CADM2: variants seen among roughly 807,000 people sequenced by gnomAD.
CADM2 encodes immunoglobulin superfamily member 4D.
In CADM2, 12 loss-of-function variants were observed where a neutral mutation model predicts 49.8. The ratio of observed to expected loss-of-function variants is 0.24; its 90% CI spans 0.15 to 0.39. The LOEUF is 0.39. CADM2 is among the 10% of genes least tolerant of loss of function. The pLI, the probability that CADM2 is intolerant of heterozygous loss-of-function variation, is 1.00. For synonymous variants in CADM2, 214 were observed against 175.4 expected (o/e 1.22, Z -1.74); for missense variants, 378 against 492.3 (o/e 0.77, Z 2.20).
intron 1 of CADM2, among the ~76,000 whole-genome samples, chr3:85,041,535 T>TGAAA (rs2035441930): frequency 6.6e-6 from 1 of 152,214 alleles, no homozygotes; most frequent in Non-Finnish European, 1.5e-5. Flanking sequence ...CGTATGACTT[T>TGAAA]TCCACCTTTA....
At chr3:85,474,509 G>A (rs1017498306) in intron 1 of CADM2, among the ~76,000 whole-genome samples, 5 of 151,888 alleles carry the variant, frequency 3.3e-5, no homozygotes, top group Admixed American at 2.0e-4. Flanking sequence ...AGAATAATAT[G>A]AGACCAAATA....
intron 6 of CADM2, among the ~76,000 whole-genome samples, chr3:85,928,966 T>G (rs1031099597): frequency 4.6e-5 from 7 of 152,112 alleles, no homozygotes; most frequent in Non-Finnish European, 1.5e-5. Context: ...AAGGACCAAT[T>G]TTTTAAAGGC....
intron 8 of CADM2, among the ~76,000 whole-genome samples, chr3:86,040,109 T>C (rs964333747): frequency 2.0e-5 from 3 of 150,506 alleles, no homozygotes; most frequent in Middle Eastern, 3.5e-3. Flanking sequence ...AGACCAAAGG[T>C]AGAAAAAACC....
chr3:85,412,038 G>T (rs796616518), intron 1 of CADM2, among the ~76,000 whole-genome samples: 13 of 152,196 alleles, frequency 8.5e-5, no homozygotes, highest in African/African-American at 3.1e-4. Context: ...ATGTTGGCCA[G>T]ACTGGTCTTG....
intron 1 of CADM2, among the ~76,000 whole-genome samples, chr3:85,046,022 T>A (rs75978630): frequency 0.026 from 3,929 of 152,216 alleles, 125 homozygotes; most frequent in African/African-American, 0.074. Flanking sequence ...GTTATGTTAA[T>A]TAAAACTGTA....
intron 1 of CADM2, among the ~76,000 whole-genome samples, chr3:85,328,489 G>C (rs1383045082): frequency 6.6e-6 from 1 of 152,122 alleles, no homozygotes; most frequent in Non-Finnish European, 1.5e-5. Context: ...AAGCCCACAG[G>C]ACAGCCAATG....
At chr3:85,987,045 T>C (rs1433508303) in intron 8 of CADM2, among the ~76,000 whole-genome samples, 1 of 152,148 alleles carries the variant, frequency 6.6e-6, no homozygotes, top group Admixed American at 6.6e-5. Flanking sequence ...ATTGGTTATA[T>C]ATAACCATTT....
At chr3:85,268,524 A>G (rs1378347771) in intron 1 of CADM2, among the ~76,000 whole-genome samples, 1 of 151,444 alleles carries the variant, frequency 6.6e-6, no homozygotes, top group East Asian at 1.9e-4. Context: ...TTGTAAATTG[A>G]AGATTTTACT....
intron 3 of CADM2, among the ~76,000 whole-genome samples, chr3:85,835,479 C>G (rs1422482746): frequency 1.3e-5 from 2 of 151,086 alleles, no homozygotes; most frequent in Non-Finnish European, 3.0e-5. Context: ...ATAGGCAAAA[C>G]AGAACTACAG....
chr3:85,363,874 G>A (rs1463817831), intron 1 of CADM2, among the ~76,000 whole-genome samples: 2 of 151,488 alleles, frequency 1.3e-5, no homozygotes, highest in South Asian at 4.2e-4. Context: ...GCCTCCTAAA[G>A]TGCTGGGATT....
At chr3:85,682,339 A>C (rs1349036154) in intron 1 of CADM2, among the ~76,000 whole-genome samples, 1 of 152,060 alleles carries the variant, frequency 6.6e-6, no homozygotes, top group African/African-American at 2.4e-5. Context: ...TGCCTTTCTA[A>C]ATAGGAGGAA....
chr3:85,700,229 G>A (rs950774866), intron 1 of CADM2, among the ~76,000 whole-genome samples: 15 of 151,938 alleles, frequency 9.9e-5, no homozygotes, highest in Non-Finnish European at 1.9e-4. Context: ...GCAAACTATC[G>A]CAAAAACAAA....
At chr3:85,122,697 T>C (rs2038906840) in intron 1 of CADM2, among the ~76,000 whole-genome samples, 1 of 152,096 alleles carries the variant, frequency 6.6e-6, no homozygotes, top group Non-Finnish European at 1.5e-5. Context: ...CTTTGAATTT[T>C]TGCAGCCACC....
chr3:85,776,449 T>G (rs1023908289), intron 2 of CADM2, among the ~76,000 whole-genome samples: 4 of 151,994 alleles, frequency 2.6e-5, no homozygotes, highest in African/African-American at 9.7e-5. Flanking sequence ...TTTTCATTTT[T>G]AATATTATTT....
chr3:85,398,798 T>G (rs2034932796), intron 1 of CADM2, among the ~76,000 whole-genome samples: 1 of 152,224 alleles, frequency 6.6e-6, no homozygotes, highest in African/African-American at 2.4e-5. Flanking sequence ...GCTGCATAAA[T>G]GTCTCCTTTT....
At chr3:85,897,473 G>T (rs993226977) in intron 5 of CADM2, among the ~76,000 whole-genome samples, 1 of 149,908 alleles carries the variant, frequency 6.7e-6, no homozygotes, top group African/African-American at 2.5e-5. Flanking sequence ...GTTTCACCTT[G>T]TTAGCCAGGA....
At chr3:85,070,431 A>T (rs986345412) in intron 1 of CADM2, among the ~76,000 whole-genome samples, 3 of 152,194 alleles carry the variant, frequency 2.0e-5, no homozygotes, top group Non-Finnish European at 4.4e-5. Context: ...GCCTGGGATT[A>T]TTTGTTTAGA....
intron 1 of CADM2, among the ~76,000 whole-genome samples, chr3:85,478,077 A>G (rs2039056717): frequency 6.6e-6 from 1 of 151,946 alleles, no homozygotes. Context: ...AAAGCTCTTC[A>G]AAGTACTTTT....
intron 2 of CADM2, among the ~76,000 whole-genome samples, chr3:85,773,770 T>C (rs2107964103): frequency 6.6e-6 from 1 of 152,142 alleles, no homozygotes; most frequent in Non-Finnish European, 1.5e-5. Context: ...GTGCCAATCT[T>C]GATCATTCCT....
Sources: gnomAD v4.1 joint callset for allele counts (sites outside exome capture counted in the v4.1 genomes callset) on GRCh38, gnomAD v4.1.1 for gene constraint, MANE v1.5 for transcripts, NCBI Gene and HGNC (gene_info 2026-07-23, HGNC 2026-07-21) for gene names.